Variants in KIF26A observed in about 807,000 individuals in gnomAD.
KIF26A encodes the protein kinesin-like protein KIF26A.
KIF26A carries 74 observed loss-of-function variants against 126.0 expected under a neutral mutation model. That is an observed-to-expected ratio of 0.59 (90% confidence interval 0.49 to 0.71). The LOEUF is 0.71. KIF26A is among the 30% of genes least tolerant of loss of function. The pLI is 0.00. For synonymous variants in KIF26A, 1,445 were observed against 1,232.7 expected, an observed-to-expected ratio of 1.17 and a Z score of -3.61; for missense variants, 2,984 against 2,763.3, an observed-to-expected ratio of 1.08 and a Z score of -1.79.
At chr14:104,179,030 G>A (rs975935242) in intron 13 of KIF26A, among the ~76,000 whole-genome samples, 5 of 152,182 alleles carry the variant, frequency 3.3e-5, no homozygotes, top group South Asian at 2.1e-4. Context: ...CTCCCCTGTC[G>A]TGGGGAGGGT....
rs2038083213 is a variant in KIF26A at position 104,179,886 on chromosome 14, G to C, written c.*96G>C. On this transcript the variant is annotated 3_prime_UTR_variant, in exon 15 of 15. Transcript: ENST00000423312. ...GTGGTGGGGGCTGCGGGGGGAGGAT[G>C]CGGAGGGGTTTCTGTGCAGGACGGG... The C allele has an allele frequency of 7.9e-7, 1 of 1,272,382 alleles. No homozygotes were observed. Among genetic ancestry groups the C allele is most frequent in the African/African-American group, 1.5e-5 (1 of 66,152 alleles). The allele number at this position is 1,272,382 out of a possible 1,614,324, so 78.8% of individuals were successfully genotyped here.
chr14:104,171,817 T>A lies in KIF26A; in HGVS notation c.1208T>A (p.Val403Glu), dbSNP rs919173786. 1.9e-6 allele frequency: 3 copies of A among 1,565,066 alleles called. No homozygotes were observed. Among genetic ancestry groups the A allele is most frequent in the Non-Finnish European group, 2.6e-6 (3 of 1,155,936 alleles). ...AAGGTGGACCCTCGGAAGAAGCAGG[T>A]GATCCTCTACGATCCCGCCGCCGGT... ...FLKVDPRKKQ[V>E]ILYDPAAGPP... The change falls in exon 6 of 15, where the codon GTG becomes GAG. Residue 403 changes from valine to glutamate, a missense_variant. Transcript: ENST00000423312.
At chr14:104,166,741 T>C in intron 4 of KIF26A, 118 bp from the exon 5 acceptor site, 2 of 1,018,534 alleles carry the variant, frequency 2.0e-6, no homozygotes, top group Non-Finnish European at 2.8e-6. Flanking sequence ...TTGGACTGGG[T>C]TTCCTGGGAT....
At chr14:104,166,832 G>A (rs1421012917) in intron 4 of KIF26A, 27 bp from the exon 5 acceptor site, 2 of 1,528,174 alleles carry the variant, frequency 1.3e-6, no homozygotes. Context: ...ACCCACCACT[G>A]ATCCTGCCTC....
intron 4 of KIF26A, among the ~76,000 whole-genome samples, chr14:104,163,371 GAC>G (rs1470782833): frequency 1.1e-4 from 17 of 152,196 alleles, no homozygotes; most frequent in African/African-American, 3.9e-4. Flanking sequence ...CAGACGCACA[GAC>G]ACACAGACAG....
chr14:104,157,741 C>T lies in KIF26A; in HGVS notation c.736-14C>T. ...CCCTTGCGTTCCTTATACGCACTCT[C>T]TCCTTCCCTCCAGGCCGAGGCAGCG... On this transcript the variant is annotated splice_polypyrimidine_tract_variant and intron_variant, in intron 3 of 14. Coordinates refer to ENST00000423312, the MANE Select transcript of KIF26A (RefSeq NM_015656.2). 1.2e-6 allele frequency: 2 copies of T among 1,609,016 alleles called. No individual in the cohort carries two copies. The highest frequency in any genetic ancestry group is 1.7e-6 in the Non-Finnish European group (2 of 1,178,522).
At chr14:104,153,515 C>T (rs12892466) in intron 3 of KIF26A, among the ~76,000 whole-genome samples, 7,520 of 38,786 alleles carry the variant, frequency 0.19, 278 homozygotes, top group Middle Eastern at 0.25. Context: ...GCCCCAGAGC[C>T]GAACCCCACC....
At chr14:104,157,452 G>A (rs2037790409) in intron 3 of KIF26A, among the ~76,000 whole-genome samples, 3 of 152,270 alleles carry the variant, frequency 2.0e-5, no homozygotes, top group Middle Eastern at 6.8e-3. Context: ...CGGAAAGTCT[G>A]GCTTCTGGAC....
intron 5 of KIF26A, among the ~76,000 whole-genome samples, chr14:104,169,113 A>G (rs2037933712): frequency 6.6e-6 from 1 of 152,164 alleles, no homozygotes; most frequent in Admixed American, 6.5e-5. Context: ...TCTCCTTGAG[A>G]CAGGGCAGGT....
intron 7 of KIF26A, 24 bp downstream of exon 7, chr14:104,172,692 G>A: frequency 1.9e-6 from 3 of 1,559,974 alleles, no homozygotes; most frequent in Middle Eastern, 3.3e-4. Flanking sequence ...CCCCACCCTA[G>A]ATGGGTCCTG....
At chr14:104,166,125 AG>A (rs2037897249) in intron 4 of KIF26A, among the ~76,000 whole-genome samples, 1 of 151,658 alleles carries the variant, frequency 6.6e-6, no homozygotes. Flanking sequence ...GCCCTGGCTG[AG>A]GGGCAGGGTG....
intron 3 of KIF26A, 118 bp from the exon 4 acceptor site, chr14:104,157,637 C>CT (rs1201420798): frequency 9.0e-7 from 1 of 1,111,164 alleles, no homozygotes; most frequent in Non-Finnish European, 1.2e-6. Flanking sequence ...GGGTGCAGAG[C>CT]CCCCAGGAAT....
intron 3 of KIF26A, among the ~76,000 whole-genome samples, chr14:104,154,082 C>T (rs1409231701): frequency 1.3e-5 from 2 of 152,218 alleles, no homozygotes; most frequent in African/African-American, 2.4e-5. Flanking sequence ...TCCCCTGAAC[C>T]AGGGCATCGA....
chr14:104,178,396 C>T (rs1368983747), intron 12 of KIF26A, among the ~76,000 whole-genome samples, 154 bp from the exon 13 acceptor site: 1 of 152,208 alleles, frequency 6.6e-6, no homozygotes, highest in Admixed American at 6.5e-5. Context: ...CGGCTTCCTC[C>T]CTGCCCTGGG....
At chr14:104,144,302 CTTT>C (rs2037662277) in intron 2 of KIF26A, among the ~76,000 whole-genome samples, 1 of 152,130 alleles carries the variant, frequency 6.6e-6, no homozygotes, top group Non-Finnish European at 1.5e-5. Flanking sequence ...GGGGTACAAG[CTTT>C]ATGTCGGGGC....
In KIF26A at chr14:104,180,124, G is replaced by A. The variant is rs555017949; in HGVS notation, c.*334G>A. On this transcript the variant is annotated 3_prime_UTR_variant, in exon 15 of 15. Transcript: ENST00000423312. Reference sequence around the variant, plus strand: ...CAGCCCGGCCCCGCTGCGCCTGTCCGGGCCGGGGCTGGCGCCGGTTGTGTT... The same window carrying A: ...CAGCCCGGCCCCGCTGCGCCTGTCCAGGCCGGGGCTGGCGCCGGTTGTGTT... 15 of 259,248 alleles carry A rather than the reference G, an allele frequency of 5.8e-5. No homozygotes were observed. The highest frequency in any genetic ancestry group is 2.1e-4 in the East Asian group (3 of 14,136). 16.1% of individuals were successfully genotyped at this position (259,248 alleles called of 1,614,324 possible).
At chr14:104,156,109 C>T (rs181419833) in intron 3 of KIF26A, among the ~76,000 whole-genome samples, 2 of 152,356 alleles carry the variant, frequency 1.3e-5, no homozygotes, top group East Asian at 3.9e-4. Flanking sequence ...GCCCTGGGTG[C>T]TGACTGCCAT....
intron 10 of KIF26A, 133 bp from the exon 11 acceptor site, chr14:104,174,015 C>T: frequency 1.4e-6 from 2 of 1,391,678 alleles, no homozygotes; most frequent in Non-Finnish European, 1.9e-6. Context: ...TGCCCGTGGG[C>T]TGCCTGGGGC....
At chr14:104,161,244 G>A (rs1310373788) in intron 4 of KIF26A, among the ~76,000 whole-genome samples, 1 of 149,842 alleles carries the variant, frequency 6.7e-6, no homozygotes, top group Non-Finnish European at 1.5e-5. Context: ...GGGGTCCCCC[G>A]ATGCCTGCCC....
Sources: gnomAD v4.1 joint callset for allele counts (sites outside exome capture counted in the v4.1 genomes callset) on GRCh38, gnomAD v4.1.1 for gene constraint, MANE v1.5 for transcripts, NCBI Gene and HGNC (gene_info 2026-07-23, HGNC 2026-07-21) for gene names.